Variants in GALNT2 observed in about 807,000 individuals in gnomAD.
GALNT2 encodes the protein polypeptide N-acetylgalactosaminyltransferase 2, also known as UDP-GalNAc:polypeptide N-acetylgalactosaminyltransferase 2.
GALNT2 carries 31 observed loss-of-function variants against 81.4 expected under a neutral mutation model. The observed-to-expected ratio is 0.38, with a 90% CI of 0.29 to 0.51. GALNT2 has a LOEUF of 0.51. Among genes scored for constraint, GALNT2 ranks in the 20% least tolerant of loss-of-function variants. The pLI is 0.87. For synonymous variants in GALNT2, 303 were observed against 287.4 expected (o/e 1.05, Z -0.55); for missense variants, 629 against 765.7 (o/e 0.82, Z 2.11).
At chr1:230,247,565 G>A (rs961323101) in intron 8 of GALNT2, among the ~76,000 whole-genome samples, 1 of 152,126 alleles carries the variant, frequency 6.6e-6, no homozygotes, top group African/African-American at 2.4e-5. Context: ...TAAAGAGGAG[G>A]GATCCTTAGA....
chr1:230,068,347 G>C (rs577813691), intron 1 of GALNT2, among the ~76,000 whole-genome samples: 1 of 152,260 alleles, frequency 6.6e-6, no homozygotes, highest in Non-Finnish European at 1.5e-5. Flanking sequence ...CGCCGGCCGG[G>C]AGAGCAGGGC....
chr1:230,270,731 G>A (rs566600417), intron 14 of GALNT2, among the ~76,000 whole-genome samples: 1 of 152,308 alleles, frequency 6.6e-6, no homozygotes, highest in South Asian at 2.1e-4. Context: ...GGAAGAGTGA[G>A]GTTTGTTATC....
chr1:230,058,722 CTA>C (rs1658976677), intron 1 of GALNT2, among the ~76,000 whole-genome samples: 1 of 152,200 alleles, frequency 6.6e-6, no homozygotes, highest in Admixed American at 6.5e-5. Context: ...ATTTGATAAA[CTA>C]TTTCTCAGTC....
At chr1:230,191,687 A>G (rs906629420) in intron 2 of GALNT2, among the ~76,000 whole-genome samples, 4 of 152,128 alleles carry the variant, frequency 2.6e-5, no homozygotes, top group Non-Finnish European at 5.9e-5. Context: ...CATTTTTAAA[A>G]TTTTTTGCAG....
chr1:230,200,973 C>G (rs1440193451), intron 2 of GALNT2, among the ~76,000 whole-genome samples: 1 of 152,190 alleles, frequency 6.6e-6, no homozygotes, highest in Non-Finnish European at 1.5e-5. Flanking sequence ...TTCAAAGCCT[C>G]TTTTGTATTA....
chr1:230,227,057 A>T (rs1664737064), intron 3 of GALNT2, among the ~76,000 whole-genome samples: 2 of 152,228 alleles, frequency 1.3e-5, no homozygotes, highest in Admixed American at 1.3e-4. Flanking sequence ...AAAAAAGCAG[A>T]TATAACTAAG....
intron 1 of GALNT2, chr1:230,091,845 C>G (rs1016264102): frequency 6.6e-6 from 1 of 152,420 alleles, no homozygotes; most frequent in Non-Finnish European, 1.5e-5. Flanking sequence ...AAGGAAGTCT[C>G]TACCTCAGGG....
Position 230,265,374 on chromosome 1 carries a change from G to C in GALNT2, c.1440+7G>C, listed in dbSNP as rs778420573. The C allele has an allele frequency of 6.2e-7, 1 of 1,614,214 alleles. No individual in the cohort carries two copies. The highest frequency in any genetic ancestry group is 1.1e-5 in the South Asian group (1 of 91,082). Reference sequence around the variant, plus strand: ...CAATGCTGGGGGAAACCAGGTATGTGCATGGGGAAGCCAGGTCACCTGCAG... The same window carrying C: ...CAATGCTGGGGGAAACCAGGTATGTCCATGGGGAAGCCAGGTCACCTGCAG... On this transcript the variant is annotated splice_region_variant and intron_variant, in intron 14 of 15. Transcript: ENST00000366672.
At chr1:230,138,194 A>C (rs1181895501) in intron 1 of GALNT2, among the ~76,000 whole-genome samples, 1 of 152,186 alleles carries the variant, frequency 6.6e-6, no homozygotes, top group Non-Finnish European at 1.5e-5. Context: ...ATTCAGGGTG[A>C]GTCCATGGAG....
chr1:230,201,046 G>A (rs1028591455), intron 2 of GALNT2, among the ~76,000 whole-genome samples: 6 of 152,330 alleles, frequency 3.9e-5, no homozygotes, highest in African/African-American at 1.2e-4. Context: ...GCGCAGGTAG[G>A]TGTTATTTTT....
At chr1:230,136,647 G>A (rs968067499) in intron 1 of GALNT2, among the ~76,000 whole-genome samples, 1 of 151,842 alleles carries the variant, frequency 6.6e-6, no homozygotes, top group Non-Finnish European at 1.5e-5. Flanking sequence ...CTTCAGGAGC[G>A]CTGGGTCTGA....
chr1:230,065,948 T>G (rs1659163277), upstream of GALNT2, among the ~76,000 whole-genome samples: 1 of 152,218 alleles, frequency 6.6e-6, no homozygotes, highest in Non-Finnish European at 1.5e-5. Flanking sequence ...CTCTGTTCAG[T>G]TTTTAGTTCT....
intron 3 of GALNT2, among the ~76,000 whole-genome samples, chr1:230,216,969 T>C (rs940997673): frequency 6.6e-6 from 1 of 152,196 alleles, no homozygotes; most frequent in African/African-American, 2.4e-5. Flanking sequence ...AAGTTTTATA[T>C]TCACTGAAGA....
chr1:230,089,594 C>T lies in GALNT2; in HGVS notation c.126+22188C>T, dbSNP rs777575186. On this transcript the variant is annotated intron_variant, in intron 1 of 15. Transcript: ENST00000366672. ...CATTCTCCCTCCCTGCAGCCACTGG[C>T]GGCCAGGGTTCTACCTTCTGTCTCT... Among the ~76,000 whole-genome samples the T allele has an allele frequency of 5.3e-5, 8 of 152,334 alleles. No individual in the cohort carries two copies. In the East Asian group the frequency reaches 5.8e-4, roughly 11 times the overall value.
At chr1:230,076,829 A>C (rs112511909) in intron 1 of GALNT2, among the ~76,000 whole-genome samples, 3 of 152,154 alleles carry the variant, frequency 2.0e-5, no homozygotes, top group Non-Finnish European at 4.4e-5. Context: ...GAGCATTTAC[A>C]TGGCGGGAAA....
intron 2 of GALNT2, among the ~76,000 whole-genome samples, chr1:230,182,773 A>T (rs1663201418): frequency 6.6e-6 from 1 of 151,894 alleles, no homozygotes; most frequent in Non-Finnish European, 1.5e-5. Flanking sequence ...GTTGAGTTCA[A>T]CTCTGTCCTT....
intron 14 of GALNT2, among the ~76,000 whole-genome samples, chr1:230,273,032 A>G (rs1666195304): frequency 6.6e-6 from 1 of 152,116 alleles, no homozygotes; most frequent in South Asian, 2.1e-4. Context: ...TTGGCCCCCA[A>G]AGTGCTGGGA....
At chr1:230,092,364 G>A (rs1660119382) in intron 1 of GALNT2, among the ~76,000 whole-genome samples, 1 of 150,730 alleles carries the variant, frequency 6.6e-6, no homozygotes, top group South Asian at 2.1e-4. Flanking sequence ...AGTAGAGGGT[G>A]ACAATTCTTT....
In GALNT2 at chr1:230,271,135, G is replaced by A. The variant is rs72650166; in HGVS notation, c.1441-3310G>A. Reference sequence around the variant, plus strand: ...CAGGACTCTCCTCTTCACTGTGAGTGGGCGTCTCTGTGTACCACAGTTTCA... The same window carrying A: ...CAGGACTCTCCTCTTCACTGTGAGTAGGCGTCTCTGTGTACCACAGTTTCA... On this transcript the variant is annotated intron_variant, in intron 14 of 15. Transcript: ENST00000366672. This position sits in a 1 kb window ranked among gnomAD's most constrained non-coding sequence, Gnocchi z 4.2. Among the ~76,000 whole-genome samples the A allele has an allele frequency of 3.8e-4, 58 of 152,288 alleles. No homozygotes were observed. The highest frequency in any genetic ancestry group is 6.2e-4 in the Non-Finnish European group (42 of 68,024).
Sources: gnomAD v4.1 joint callset for allele counts (sites outside exome capture counted in the v4.1 genomes callset) on GRCh38, gnomAD v4.1.1 for gene constraint, Gnocchi (gnomAD v3.1) non-coding constraint, MANE v1.5 for transcripts, NCBI Gene and HGNC (gene_info 2026-07-23, HGNC 2026-07-21) for gene names.